Variants in LNP1 observed in about 807,000 individuals in gnomAD.
The protein encoded by LNP1 is leukemia NUP98 fusion partner 1.
LNP1 carries 12 observed loss-of-function variants against 14.5 expected under a neutral mutation model. The observed-to-expected ratio is 0.83, with a 90% confidence interval of 0.53 to 1.34. LNP1 has a LOEUF of 1.34. Ranked by LOEUF, LNP1 falls within the 40% of genes most tolerant of loss-of-function variation. LNP1 has a pLI of 0.00. For synonymous variants in LNP1, 75 were observed against 71.4 expected (o/e 1.05, Z -0.26); for missense variants, 198 against 210.9 (o/e 0.94, Z 0.38).
At position 100,402,325 on chromosome 3, in the gene LNP1, G is replaced by C. The variant is rs1706918930; in HGVS notation, c.-148G>C. On this transcript the variant is annotated 5_prime_UTR_variant, in exon 1 of 4. It removes the in-frame stop codon of an upstream open reading frame in the 5' UTR. Transcript: ENST00000383693. ...TGTTAAGTGCAACAACATCACAGTAGAGCTACATAAAGATTGAAAGGAGAT... is the reference window on the plus strand; with the variant it reads ...TGTTAAGTGCAACAACATCACAGTACAGCTACATAAAGATTGAAAGGAGAT... 6.6e-6 allele frequency: 1 copy of C among 152,152 alleles called. No individual in the cohort carries two copies. Among genetic ancestry groups the C allele is most frequent in the Non-Finnish European group, 1.5e-5 (1 of 68,024 alleles). 9.4% of individuals were successfully genotyped at this position (152,152 alleles called of 1,614,324 possible).
chr3:100,414,712 A>C (rs953889513), intron 1 of LNP1, among the ~76,000 whole-genome samples: 29 of 152,194 alleles, frequency 1.9e-4, no homozygotes, highest in Non-Finnish European at 3.7e-4. Flanking sequence ...AAGGAACTCT[A>C]GGAGCTTAGA....
intron 1 of LNP1, among the ~76,000 whole-genome samples, chr3:100,418,218 C>G (rs1707106657): frequency 6.6e-6 from 1 of 151,382 alleles, no homozygotes; most frequent in South Asian, 2.1e-4. Flanking sequence ...CACCACCACA[C>G]CCGGCTAATT....
chr3:100,454,878 A>G (rs992044248), intron 3 of LNP1, among the ~76,000 whole-genome samples: 1 of 152,228 alleles, frequency 6.6e-6, no homozygotes, highest in Non-Finnish European at 1.5e-5. Context: ...CCACTGCTTA[A>G]CTTCACCTGA....
Position 100,451,880 on chromosome 3 carries a change from C to G in LNP1, c.318C>G (p.Ser106=). The G allele has an allele frequency of 7.3e-7, 1 of 1,372,982 alleles. No homozygotes were observed. Among genetic ancestry groups the G allele is most frequent in the Non-Finnish European group, 9.5e-7 (1 of 1,053,222 alleles). The allele number at this position is 1,372,982 out of a possible 1,614,324, so 85.0% of individuals were successfully genotyped here. ...EPLESKGRSH[S]KIEKFSESFE... ...TGGAATCAAAAGGAAGATCCCATTCCAAAATTGAGAAATTTTCAGAGTCCT... is the reference window on the plus strand; with the variant it reads ...TGGAATCAAAAGGAAGATCCCATTCGAAAATTGAGAAATTTTCAGAGTCCT... Residue 106 remains serine, a synonymous_variant, in exon 3 of 4, where the codon TCC becomes TCG. Transcript: ENST00000383693.
Position 100,451,999 on chromosome 3 carries a change from C to T in LNP1, c.387+50C>T, listed in dbSNP as rs1206818499. On this transcript the variant is annotated intron_variant, in intron 3 of 3. Transcript: ENST00000383693. The stretch of plus-strand genomic sequence containing the variant: ...TTAAGCCGCTTTAAAAAAGGAAACC[C>T]AAAGGTTTTGTCCTCTTTATGATTG... 3.9e-6 allele frequency: 5 copies of T among 1,294,244 alleles called. 1 individual carries two copies. The South Asian group carries it at 7.1e-5, about 18-fold the overall frequency. 80.2% of individuals were successfully genotyped at this position (1,294,244 alleles called of 1,614,324 possible).
intron 1 of LNP1, among the ~76,000 whole-genome samples, chr3:100,412,227 A>G (rs1034036698): frequency 6.6e-6 from 1 of 152,180 alleles, no homozygotes; most frequent in African/African-American, 2.4e-5. Context: ...GTAATAACCC[A>G]CTTTCTTAGG....
At chr3:100,432,646 A>G (rs1482772624) in intron 2 of LNP1, among the ~76,000 whole-genome samples, 1 of 152,218 alleles carries the variant, frequency 6.6e-6, no homozygotes, top group Non-Finnish European at 1.5e-5. Flanking sequence ...TTAGTGAAAA[A>G]ACATAATATG....
At chr3:100,448,042 C>T (rs1443912208) in intron 2 of LNP1, among the ~76,000 whole-genome samples, 1 of 152,064 alleles carries the variant, frequency 6.6e-6, no homozygotes, top group Non-Finnish European at 1.5e-5. Flanking sequence ...ATGAGTTTGT[C>T]TACAAGTATT....
intron 2 of LNP1, among the ~76,000 whole-genome samples, chr3:100,447,100 T>C (rs1707395649): frequency 6.6e-6 from 1 of 152,180 alleles, no homozygotes; most frequent in East Asian, 1.9e-4. Context: ...CATTACTGGG[T>C]ATATACCTGA....
Position 100,456,022 on chromosome 3 carries a change from T to TG in LNP1, c.*101dup, listed in dbSNP as rs1304677734. 13 of 1,393,480 alleles carry TG rather than the reference T, an allele frequency of 9.3e-6. No individual in the cohort carries two copies. The highest frequency in any genetic ancestry group is 3.8e-4 in the Middle Eastern group (2 of 5,242). 86.3% of individuals were successfully genotyped at this position (1,393,480 alleles called of 1,614,324 possible). ...TTCAGGATGTGGATGGGGGCGGGGT[T>TG]GGGGGTAAAAACAGCTATAAAAAGC... On this transcript the variant is annotated 3_prime_UTR_variant, in exon 4 of 4. Transcript: ENST00000383693.
At chr3:100,430,899 A>G (rs1707236735) in intron 2 of LNP1, among the ~76,000 whole-genome samples, 1 of 152,204 alleles carries the variant, frequency 6.6e-6, no homozygotes, top group Non-Finnish European at 1.5e-5. Context: ...CTCAGGGACA[A>G]AGGGCAATCG....
chr3:100,438,173 T>C (rs976150450), intron 2 of LNP1, among the ~76,000 whole-genome samples: 6 of 152,146 alleles, frequency 3.9e-5, no homozygotes, highest in Admixed American at 1.3e-4. Flanking sequence ...AGGGATACAA[T>C]TGAAGGGTGA....
chr3:100,415,009 G>T lies in LNP1; in HGVS notation c.-34+12570G>T, dbSNP rs529450418. On this transcript the variant is annotated intron_variant, in intron 1 of 3. Coordinates refer to ENST00000383693, the MANE Select transcript of LNP1 (RefSeq NM_001085451.2). ...AAATAACAAAAAGGGTAATTCTACC[G>T]CATACCATACACAAAATGGCAAATA... is the stretch of plus-strand genomic sequence containing the variant. Among the ~76,000 whole-genome samples the T allele has an allele frequency of 5.9e-5, 9 of 152,262 alleles. No homozygotes were observed. In the South Asian group the frequency reaches 8.3e-4, roughly 14 times the overall value.
At position 100,405,724 on chromosome 3, in the gene LNP1, C is replaced by T. The variant is rs118176999; in HGVS notation, c.-34+3285C>T. Among the ~76,000 whole-genome samples the T allele has an allele frequency of 1.0e-3, 158 of 152,240 alleles. 3 individuals are homozygous for T. The East Asian group carries it at 0.027, about 26-fold the overall frequency. On this transcript the variant is annotated intron_variant, in intron 1 of 3. Coordinates refer to ENST00000383693, the MANE Select transcript of LNP1 (RefSeq NM_001085451.2). Reference sequence around the variant, plus strand: ...ATTCCCCTCTTTTTTCTCTTTTATTCATTTCCTTCATCTTGCCTAAATCCT... The same window carrying T: ...ATTCCCCTCTTTTTTCTCTTTTATTTATTTCCTTCATCTTGCCTAAATCCT...
At chr3:100,419,713 A>G (rs190832265) in intron 1 of LNP1, among the ~76,000 whole-genome samples, 65 of 152,166 alleles carry the variant, frequency 4.3e-4, no homozygotes, top group Non-Finnish European at 1.0e-4. Flanking sequence ...TATAAAAATT[A>G]TTTCTATTTA....
chr3:100,403,483 A>G (rs1706932972), intron 1 of LNP1, among the ~76,000 whole-genome samples: 1 of 147,082 alleles, frequency 6.8e-6, no homozygotes, highest in Non-Finnish European at 1.5e-5. Flanking sequence ...TTTTTTTTTG[A>G]GATGGAGTTT....
chr3:100,426,218 G>A (rs1487963149), intron 1 of LNP1, among the ~76,000 whole-genome samples: 1 of 152,206 alleles, frequency 6.6e-6, no homozygotes, highest in Admixed American at 6.5e-5. Context: ...GATTCGGATA[G>A]CAGAGTTTAT....
At chr3:100,450,923 C>T (rs1707431699) in intron 2 of LNP1, among the ~76,000 whole-genome samples, 1 of 152,116 alleles carries the variant, frequency 6.6e-6, no homozygotes, top group Non-Finnish European at 1.5e-5. Context: ...AGGAGTTGTA[C>T]AGCAAAATAA....
chr3:100,413,770 C>T (rs979094203), intron 1 of LNP1, among the ~76,000 whole-genome samples: 14 of 152,206 alleles, frequency 9.2e-5, no homozygotes, highest in South Asian at 2.1e-4. Context: ...AAAGGTGCTT[C>T]TTTTTATGAT....
Sources: gnomAD v4.1 joint callset for allele counts (sites outside exome capture counted in the v4.1 genomes callset) on GRCh38, gnomAD v4.1.1 for gene constraint, MANE v1.5 for transcripts, NCBI Gene and HGNC (gene_info 2026-07-23, HGNC 2026-07-21) for gene names.